VPS54: variants seen among roughly 807,000 people sequenced by gnomAD.
The protein encoded by VPS54 is vacuolar protein sorting-associated protein 54.
A neutral mutation model predicts 121.5 loss-of-function variants in VPS54; 45 were observed. The observed-to-expected ratio is 0.37, with a 90% confidence interval of 0.29 to 0.47. VPS54 has a LOEUF of 0.47. Among genes scored for constraint, VPS54 ranks in the 20% least tolerant of loss-of-function variants. The pLI is 0.99. For missense variants in VPS54, 1,090 were observed against 1,131.4 expected (o/e 0.96, Z 0.52); for synonymous variants, 371 against 385.8 (o/e 0.96, Z 0.45).
intron 1 of VPS54, among the ~76,000 whole-genome samples, chr2:64,000,017 T>C (rs1321054240): frequency 6.6e-6 from 1 of 152,010 alleles, no homozygotes; most frequent in Non-Finnish European, 1.5e-5. Context: ...TGTGCCACCT[T>C]GCCCGGCTAA....
At chr2:64,013,007 CATA>C (rs1678499081) in intron 1 of VPS54, among the ~76,000 whole-genome samples, 1 of 152,198 alleles carries the variant, frequency 6.6e-6, no homozygotes, top group Non-Finnish European at 1.5e-5. Flanking sequence ...AATCCTCCAA[CATA>C]ATGACTGATT....
chr2:63,950,369 T>C (rs1675183662), intron 7 of VPS54, among the ~76,000 whole-genome samples: 1 of 152,172 alleles, frequency 6.6e-6, no homozygotes, highest in Non-Finnish European at 1.5e-5. Flanking sequence ...TATGACTCTC[T>C]GATCTAGAAG....
chr2:63,940,015 C>G (rs1286085894), intron 11 of VPS54, among the ~76,000 whole-genome samples: 1 of 152,156 alleles, frequency 6.6e-6, no homozygotes, highest in Non-Finnish European at 1.5e-5. Context: ...CTCGGCCTCC[C>G]AAAGTGCTGG....
intron 7 of VPS54, among the ~76,000 whole-genome samples, chr2:63,951,985 G>A (rs998929122): frequency 2.0e-5 from 3 of 152,068 alleles, no homozygotes; most frequent in Admixed American, 2.0e-4. Flanking sequence ...ACTATTTACT[G>A]AATATCAATG....
intron 1 of VPS54, among the ~76,000 whole-genome samples, chr2:63,994,125 C>G (rs6708930): frequency 0.014 from 2,136 of 152,240 alleles, 51 homozygotes; most frequent in African/African-American, 0.049. Flanking sequence ...CACAATGGGT[C>G]TCATTCAATC....
At chr2:64,013,063 G>A (rs575881823) in intron 1 of VPS54, among the ~76,000 whole-genome samples, 2 of 152,214 alleles carry the variant, frequency 1.3e-5, no homozygotes, top group South Asian at 2.1e-4. Context: ...CTGGTTAAAG[G>A]GTTGTCAGGG....
intron 7 of VPS54, among the ~76,000 whole-genome samples, chr2:63,959,969 G>A (rs542666943): frequency 5.3e-4 from 80 of 152,178 alleles, no homozygotes; most frequent in Non-Finnish European, 7.8e-4. Flanking sequence ...GCAGTGAACC[G>A]AGATCGTGCC....
At chr2:63,902,062 C>T (rs1038088945) in intron 20 of VPS54, among the ~76,000 whole-genome samples, 2 of 152,002 alleles carry the variant, frequency 1.3e-5, no homozygotes, top group African/African-American at 4.8e-5. Context: ...AAGAAAGGGA[C>T]AAAAACACCT....
chr2:63,902,106 A>T (rs1277344822), intron 20 of VPS54, among the ~76,000 whole-genome samples: 3 of 152,204 alleles, frequency 2.0e-5, no homozygotes, highest in African/African-American at 7.2e-5. Context: ...AGAAGTTGAG[A>T]GCAGAAGTAT....
At chr2:64,005,626 G>T (rs1364919830) in intron 1 of VPS54, among the ~76,000 whole-genome samples, 2 of 152,172 alleles carry the variant, frequency 1.3e-5, no homozygotes. Context: ...TTAGGGCAGA[G>T]TTTTTCAACT....
intron 1 of VPS54, among the ~76,000 whole-genome samples, chr2:63,985,189 G>A (rs941476345): frequency 2.6e-5 from 4 of 152,072 alleles, no homozygotes; most frequent in African/African-American, 9.7e-5. Flanking sequence ...GCGTGGTGGT[G>A]CATGCCTGTA....
intron 7 of VPS54, among the ~76,000 whole-genome samples, chr2:63,953,678 T>C (rs1030705486): frequency 1.3e-5 from 2 of 152,108 alleles, no homozygotes; most frequent in African/African-American, 4.8e-5. Flanking sequence ...CTAACACTTA[T>C]CTAAGATGAG....
chr2:63,900,170 A>C (rs1171859912), intron 20 of VPS54, among the ~76,000 whole-genome samples: 1 of 149,202 alleles, frequency 6.7e-6, no homozygotes, highest in Non-Finnish European at 1.5e-5. Flanking sequence ...CAGTGAGCCA[A>C]GATCGCACCA....
At chr2:63,923,350 T>A (rs1673738433) in intron 12 of VPS54, among the ~76,000 whole-genome samples, 1 of 151,970 alleles carries the variant, frequency 6.6e-6, no homozygotes, top group Admixed American at 6.6e-5. Flanking sequence ...TTCAGTTAGA[T>A]CTCTAACTTT....
At chr2:63,980,450 T>C (rs1285220711) in intron 3 of VPS54, among the ~76,000 whole-genome samples, 1 of 152,166 alleles carries the variant, frequency 6.6e-6, no homozygotes, top group African/African-American at 2.4e-5. Context: ...ACTGATATGA[T>C]TAGGTTTAAG....
chr2:63,940,622 G>A (rs1674678394), intron 11 of VPS54, among the ~76,000 whole-genome samples: 1 of 152,064 alleles, frequency 6.6e-6, no homozygotes, highest in South Asian at 2.1e-4. Context: ...TGAAGGAAAT[G>A]TTTCACTATA....
At chr2:63,939,743 T>C (rs1028564387) in intron 11 of VPS54, among the ~76,000 whole-genome samples, 1 of 150,590 alleles carries the variant, frequency 6.6e-6, no homozygotes, top group Non-Finnish European at 1.5e-5. Context: ...GAGATCACAC[T>C]ATATAAGTAC....
At chr2:63,931,912 T>C (rs1297023200) in intron 12 of VPS54, among the ~76,000 whole-genome samples, 1 of 152,208 alleles carries the variant, frequency 6.6e-6, no homozygotes, top group African/African-American at 2.4e-5. Flanking sequence ...AAAATGCTCA[T>C]CATCACTGGT....
intron 7 of VPS54, among the ~76,000 whole-genome samples, chr2:63,949,843 T>C (rs866843078): frequency 6.6e-6 from 1 of 152,356 alleles, no homozygotes; most frequent in African/African-American, 2.4e-5. Context: ...AATCCTTCTT[T>C]CACCATTTGC....
Sources: gnomAD v4.1 joint callset for allele counts (sites outside exome capture counted in the v4.1 genomes callset) on GRCh38, gnomAD v4.1.1 for gene constraint, MANE v1.5 for transcripts, NCBI Gene and HGNC (gene_info 2026-07-23, HGNC 2026-07-21) for gene names.